The following DPP10 variants were observed in gnomAD, a reference collection of about 807,000 sequenced individuals.
DPP10 encodes inactive dipeptidyl peptidase 10.
A neutral mutation model predicts 120.9 loss-of-function variants in DPP10; 33 were observed. The ratio of observed to expected loss-of-function variants is 0.27; its 90% CI spans 0.21 to 0.37. The LOEUF is 0.37. Among genes scored for constraint, DPP10 ranks in the 10% least tolerant of loss-of-function variants. DPP10 has a pLI of 1.00. For missense variants in DPP10, 816 were observed against 942.8 expected, an observed-to-expected ratio of 0.87 and a Z score of 1.76; for synonymous variants, 337 against 326.1, an observed-to-expected ratio of 1.03 and a Z score of -0.36.
At chr2:115,162,022 G>T in intron 1 of DPP10, 2 of 1,385,010 alleles carry the variant, frequency 1.4e-6, no homozygotes, top group African/African-American at 1.5e-5. Context: ...CGCAGCCGGC[G>T]GACCAGGTGA....
intron 5 of DPP10, among the ~76,000 whole-genome samples, chr2:115,538,625 A>G (rs567646715): frequency 6.6e-6 from 1 of 152,044 alleles, no homozygotes; most frequent in Non-Finnish European, 1.5e-5. Context: ...TCTGGCTCCC[A>G]AAATGTAGCG....
At chr2:114,683,756 C>A (rs988543280) in intron 1 of DPP10, among the ~76,000 whole-genome samples, 1 of 151,828 alleles carries the variant, frequency 6.6e-6, no homozygotes, top group African/African-American at 2.4e-5. Context: ...TCTCCCCTCC[C>A]GTCTTGGATT....
chr2:114,679,607 C>T (rs544697555), intron 1 of DPP10, among the ~76,000 whole-genome samples: 116 of 151,920 alleles, frequency 7.6e-4, no homozygotes, highest in African/African-American at 2.6e-3. Context: ...TACAGCTGCC[C>T]CACATGCAAG....
chr2:115,804,218 C>A (rs533561556), intron 19 of DPP10, among the ~76,000 whole-genome samples: 1 of 152,140 alleles, frequency 6.6e-6, no homozygotes, highest in African/African-American at 2.4e-5. Context: ...TCCAGTTGAT[C>A]GCATCGGTTA....
intron 1 of DPP10, among the ~76,000 whole-genome samples, chr2:115,283,909 A>G (rs1189989301): frequency 6.6e-6 from 1 of 152,030 alleles, no homozygotes; most frequent in Non-Finnish European, 1.5e-5. Flanking sequence ...TCTAGGAGCA[A>G]TAGGCTAGAC....
chr2:115,468,122 AC>A, intron 3 of DPP10: 1 of 488,452 alleles, frequency 2.0e-6, no homozygotes, highest in Non-Finnish European at 4.1e-6. Context: ...TACAGCAGGA[AC>A]CCACTTAGGT....
At chr2:115,556,796 C>A (rs1448467620) in intron 5 of DPP10, among the ~76,000 whole-genome samples, 2 of 152,122 alleles carry the variant, frequency 1.3e-5, no homozygotes, top group African/African-American at 4.8e-5. Flanking sequence ...AGAGCACTTT[C>A]ACTATCTGAA....
intron 1 of DPP10, among the ~76,000 whole-genome samples, chr2:114,649,684 A>G (rs539071875): frequency 1.3e-5 from 2 of 152,294 alleles, no homozygotes; most frequent in Non-Finnish European, 2.9e-5. Context: ...ATGATTTGAA[A>G]AACACTATTT....
intron 1 of DPP10, among the ~76,000 whole-genome samples, chr2:114,473,354 G>T (rs549366367): frequency 2.9e-4 from 44 of 152,254 alleles, no homozygotes; most frequent in Non-Finnish European, 3.4e-4. Context: ...AATTAGGTTT[G>T]CAATTAGGAC....
At chr2:114,549,684 A>G (rs68186888) in intron 1 of DPP10, among the ~76,000 whole-genome samples, 15,884 of 65,686 alleles carry the variant, frequency 0.24, 731 homozygotes, top group Non-Finnish European at 0.34. Context: ...AAAAAAAAAA[A>G]AGAGAGAGAG....
At chr2:114,598,955 A>G (rs1692146673) in intron 1 of DPP10, among the ~76,000 whole-genome samples, 1 of 151,904 alleles carries the variant, frequency 6.6e-6, no homozygotes, top group African/African-American at 2.4e-5. Context: ...GGTGGATAAG[A>G]GAATGGAAGC....
rs1001932070 is a variant in DPP10, at chr2:115,384,918, G to C, written c.271+41006G>C. On this transcript the variant is annotated intron_variant, in intron 3 of 25. Transcript: ENST00000410059. ...CCAGTGGGAGATAATTTGAATCCTG[G>C]TGGTGGTTTCCCCCATACTATTCTT... is the stretch of plus-strand genomic sequence containing the variant. 8.5e-5 allele frequency among the ~76,000 whole-genome samples: 13 copies of C among 152,130 alleles called. No homozygotes were observed. The South Asian group carries it at 1.4e-3, about 17-fold the overall frequency.
intron 1 of DPP10, among the ~76,000 whole-genome samples, chr2:115,172,039 G>A (rs1449294912): frequency 6.6e-6 from 1 of 152,102 alleles, no homozygotes. Flanking sequence ...GCATGAATAA[G>A]CAACTGCTGA....
intron 1 of DPP10, among the ~76,000 whole-genome samples, chr2:114,585,947 CAT>C (rs1302854463): frequency 6.6e-6 from 1 of 152,126 alleles, no homozygotes; most frequent in East Asian, 1.9e-4. Flanking sequence ...GAATTCATAA[CAT>C]ATAAACATTG....
At chr2:115,209,861 G>A (rs1323786025) in intron 1 of DPP10, among the ~76,000 whole-genome samples, 3 of 152,092 alleles carry the variant, frequency 2.0e-5, no homozygotes, top group African/African-American at 7.2e-5. Context: ...CACAATGATA[G>A]TAACAAAGAT....
chr2:114,509,980 G>A (rs1156914378), intron 1 of DPP10, among the ~76,000 whole-genome samples: 7 of 152,160 alleles, frequency 4.6e-5, no homozygotes, highest in Non-Finnish European at 7.4e-5. Flanking sequence ...TGAGTGAATC[G>A]TGGTGGGAAA....
chr2:114,536,112 C>T (rs958572334), intron 1 of DPP10, among the ~76,000 whole-genome samples: 2 of 152,132 alleles, frequency 1.3e-5, no homozygotes, highest in African/African-American at 2.4e-5. Context: ...GGAGAGTCCT[C>T]TGCATTGGTG....
chr2:115,633,248 G>A (rs2086036436), intron 5 of DPP10, among the ~76,000 whole-genome samples: 1 of 152,200 alleles, frequency 6.6e-6, no homozygotes, highest in African/African-American at 2.4e-5. Context: ...ATACTATGCA[G>A]CTATAAAAAA....
intron 1 of DPP10, among the ~76,000 whole-genome samples, chr2:114,548,717 C>T (rs900122299): frequency 5.9e-5 from 9 of 152,148 alleles, no homozygotes; most frequent in African/African-American, 9.7e-5. Flanking sequence ...CTTTTAGCGC[C>T]GGGACCTGTG....
Sources: gnomAD v4.1 joint callset for allele counts (sites outside exome capture counted in the v4.1 genomes callset) on GRCh38, gnomAD v4.1.1 for gene constraint, MANE v1.5 for transcripts, NCBI Gene and HGNC (gene_info 2026-07-23, HGNC 2026-07-21) for gene names.